NKX2-6: variants seen among roughly 807,000 people sequenced by gnomAD.
The protein encoded by NKX2-6 is homeobox protein Nkx-2.6.
In NKX2-6, 8 loss-of-function variants were observed where a neutral mutation model predicts 8.6. That is an observed-to-expected ratio of 0.93 (90% CI 0.54 to 1.67). The LOEUF is 1.67. NKX2-6 is among the 40% of genes most tolerant of loss of function. The pLI is 0.00. For synonymous variants in NKX2-6, 210 were observed against 199.3 expected, an observed-to-expected ratio of 1.05 and a Z score of -0.45; for missense variants, 475 against 423.1, an observed-to-expected ratio of 1.12 and a Z score of -1.08.
Position 23,706,750 on chromosome 8 carries a change from T to C in NKX2-6, c.-152A>G, listed in dbSNP as rs1438147019. ...AGCGCCTTCCTCTGGGCCATGCTGG[T>C]AGGCCCGGGTCCAGGGCCGGGTGAC... On this transcript the variant is annotated 5_prime_UTR_variant, in exon 1 of 2. Transcript: ENST00000325017. Among the ~76,000 whole-genome samples, 7 of 152,192 alleles carry C rather than the reference T, an allele frequency of 4.6e-5. 1 individual carries two copies. Among genetic ancestry groups the C allele is most frequent in the Admixed American group, 4.6e-4 (7 of 15,284 alleles).
At position 23,702,758 on chromosome 8, in the gene NKX2-6, C is replaced by A; in HGVS notation, c.599G>T (p.Gly200Val). The change falls in exon 2 of 2, where the codon GGC becomes GTC. Residue 200 changes from glycine to valine, a missense_variant. Gly to Val is a moderately radical substitution (Grantham distance 109, BLOSUM62 -3). Transcript: ENST00000325017. ...TACTCGGCGCGGCGTTAGAGGGTGG[C>A]CAGCCAGTTCCAGCGACTTGTCCTG... The part of the protein sequence containing the change: ...QRQDKSLELA[G>V]HPLTPRRVAV... The A allele has an allele frequency of 6.4e-7, 1 of 1,553,248 alleles. No individual in the cohort carries two copies. Among genetic ancestry groups the A allele is most frequent in the South Asian group, 1.2e-5 (1 of 84,154 alleles).
chr8:23,703,727 A>AAC (rs3055447), intron 1 of NKX2-6, among the ~76,000 whole-genome samples: 26,570 of 111,964 alleles, frequency 0.24, 2,572 homozygotes, highest in South Asian at 0.36. Context: ...CAAACAAACA[A>AAC]AAAAAAAACT....
intron 1 of NKX2-6, among the ~76,000 whole-genome samples, chr8:23,704,723 T>G (rs1801063707): frequency 6.6e-6 from 1 of 152,104 alleles, no homozygotes. Context: ...AGAGGAAAAA[T>G]TCTGAGGAGG....
In NKX2-6 at chr8:23,706,708, C is replaced by G; in HGVS notation, c.-110G>C. 1 of 1,238,456 alleles carries G rather than the reference C, an allele frequency of 8.1e-7. No individual in the cohort carries two copies. Among genetic ancestry groups the G allele is most frequent in the Non-Finnish European group, 1.1e-6 (1 of 914,142 alleles). The allele number at this position is 1,238,456 out of a possible 1,614,324, so 76.7% of individuals were successfully genotyped here. ...AGACAGACCCAAGCTCTGGGACAGACGCCCAGCGTCCCAGACAGCGCCTTC... is the reference window on the plus strand; with the variant it reads ...AGACAGACCCAAGCTCTGGGACAGAGGCCCAGCGTCCCAGACAGCGCCTTC... On this transcript the variant is annotated 5_prime_UTR_variant, in exon 1 of 2. Transcript: ENST00000325017.
At chr8:23,704,647 G>A (rs916504153) in intron 1 of NKX2-6, among the ~76,000 whole-genome samples, 2 of 152,230 alleles carry the variant, frequency 1.3e-5, no homozygotes, top group Non-Finnish European at 2.9e-5. Flanking sequence ...TGTAAAGTTT[G>A]AGGACAGAAC....
In NKX2-6 at chr8:23,702,119, T is replaced by C. The variant is rs1184073026; in HGVS notation, c.*332A>G. 3.3e-5 allele frequency among the ~76,000 whole-genome samples: 5 copies of C among 152,088 alleles called. No homozygotes were observed. Among genetic ancestry groups the C allele is most frequent in the Non-Finnish European group, 7.4e-5 (5 of 68,002 alleles). On this transcript the variant is annotated 3_prime_UTR_variant, in exon 2 of 2. Coordinates refer to ENST00000325017, the MANE Select transcript of NKX2-6 (RefSeq NM_001136271.3). ...GCTGCTGCGTACAGATGCAAGAGCC[T>C]CTCGGGCCTCTGGGGTTGAAGCCCC...
intron 1 of NKX2-6, among the ~76,000 whole-genome samples, chr8:23,704,625 A>G (rs1801062350): frequency 6.6e-6 from 1 of 152,186 alleles, no homozygotes; most frequent in Non-Finnish European, 1.5e-5. Flanking sequence ...AGGGGGATGG[A>G]GCTGTTTGGT....
chr8:23,702,941 A>G lies in NKX2-6; in HGVS notation c.416T>C (p.Phe139Ser). 1 of 1,549,248 alleles carries G rather than the reference A, an allele frequency of 6.5e-7. No individual in the cohort carries two copies. The highest frequency in any genetic ancestry group is 8.7e-7 in the Non-Finnish European group (1 of 1,146,206). The stretch of plus-strand genomic sequence containing the variant: ...CAGGGCCAGCACCTGCGCCTGCGAA[A>G]AGAGCACGCGCGGCTTCCGTCGTTG... ...ARQRRKPRVL[F>S]SQAQVLALER... The change falls in exon 2 of 2, where the codon TTT (phenylalanine) becomes TCT (serine). Residue 139 changes from phenylalanine (F) to serine (S), a missense_variant. Coordinates refer to ENST00000325017, the MANE Select transcript of NKX2-6 (RefSeq NM_001136271.3).
In NKX2-6 at chr8:23,706,412, C is replaced by T. The variant is rs1235295038; in HGVS notation, c.187G>A (p.Gly63Ser). ...SEVHNAGGGG[G>S]DRKLDGSEPP... ...TCCGAACCATCCAGCTTTCTGTCACCGCCGCCGCCACCAGCGTTGTGAACC... is the reference window on the plus strand; with the variant it reads ...TCCGAACCATCCAGCTTTCTGTCACTGCCGCCGCCACCAGCGTTGTGAACC... Residue 63 changes from glycine (G) to serine (S), a missense_variant, in exon 1 of 2, where the codon GGT becomes AGT. Gly to Ser is a moderately conservative substitution (Grantham distance 56). Transcript: ENST00000325017. 1 of 1,547,522 alleles carries T rather than the reference C, an allele frequency of 6.5e-7. No homozygotes were observed. The highest frequency in any genetic ancestry group is 8.7e-7 in the Non-Finnish European group (1 of 1,143,928).
rs1801030224 is a variant in NKX2-6 at position 23,702,946 on chromosome 8, C to T, written c.411G>A (p.Val137=). The T allele has an allele frequency of 2.6e-6, 4 of 1,548,314 alleles. No individual in the cohort carries two copies. Among genetic ancestry groups the T allele is most frequent in the South Asian group, 1.2e-5 (1 of 83,922 alleles). The change falls in exon 2 of 2, where the codon GTG becomes GTA. Residue 137 remains valine (V), a synonymous_variant. Coordinates refer to ENST00000325017, the MANE Select transcript of NKX2-6 (RefSeq NM_001136271.3). ...PKARQRRKPR[V]LFSQAQVLAL... is the part of the protein sequence containing the mutation. ...CCAGCACCTGCGCCTGCGAAAAGAGCACGCGCGGCTTCCGTCGTTGCCGCG... is the reference window on the plus strand; with the variant it reads ...CCAGCACCTGCGCCTGCGAAAAGAGTACGCGCGGCTTCCGTCGTTGCCGCG...
Position 23,702,322 on chromosome 8 carries a change from C to T in NKX2-6, c.*129G>A, listed in dbSNP as rs1801016718. The T allele has an allele frequency of 1.9e-6, 2 of 1,046,278 alleles. No homozygotes were observed. The highest frequency in any genetic ancestry group is 2.7e-5 in the East Asian group (1 of 36,808). The allele number at this position is 1,046,278 out of a possible 1,614,324, so 64.8% of individuals were successfully genotyped here. ...GGTGCAGATCGCAGTTTCAGAGATC[C>T]CTCCGGAAAGAAGCGCCGTTGGGTA... On this transcript the variant is annotated 3_prime_UTR_variant, in exon 2 of 2. Transcript: ENST00000325017.
rs912505680 is a variant in NKX2-6, at chr8:23,702,573, C to T, written c.784G>A (p.Gly262Ser). ...TGTGGCGCAGGACCCGAGGGCGCGC[C>T]CGCGTAGCAGGTGCCGTAGCCTGCG... ...YGAGYGTCYA[G>S]APSGPAPHTP... Residue 262 changes from glycine to serine, a missense_variant, in exon 2 of 2, where the codon GGC becomes AGC. Gly to Ser is a moderately conservative substitution (Grantham distance 56, BLOSUM62 0). Transcript: ENST00000325017. 38 of 1,544,352 alleles carry T rather than the reference C, an allele frequency of 2.5e-5. No homozygotes were observed. Among genetic ancestry groups the T allele is most frequent in the Middle Eastern group, 1.7e-4 (1 of 5,986 alleles).
rs1405758820 is a variant in NKX2-6 at position 23,702,984 on chromosome 8, C to A, written c.373G>T (p.Glu125Ter). 6.5e-7 allele frequency: 1 copy of A among 1,542,770 alleles called. No homozygotes were observed. Among genetic ancestry groups the A allele is most frequent in the African/African-American group, 1.4e-5 (1 of 72,906 alleles). ...SGDSVRGGRS[E>*]QPKARQRRKP... is the part of the protein sequence containing the mutation. ...CGTCGTTGCCGCGCCTTGGGCTGCT[C>A]CGAGCGGCCACCCCGCACGCTGTCG... is the stretch of plus-strand genomic sequence containing the variant. The change falls in exon 2 of 2, where the codon GAG becomes TAG. Residue 125 changes from glutamate (E) to a stop codon, truncating the protein, a stop_gained. Coordinates refer to ENST00000325017, the MANE Select transcript of NKX2-6 (RefSeq NM_001136271.3). LOFTEE classifies it low-confidence loss of function (END_TRUNC).
At position 23,706,407 on chromosome 8, in the gene NKX2-6, G is replaced by A; in HGVS notation, c.192C>T (p.Asp64=). The A allele has an allele frequency of 6.4e-7, 1 of 1,551,062 alleles. No homozygotes were observed. The highest frequency in any genetic ancestry group is 8.7e-7 in the Non-Finnish European group (1 of 1,146,998). ...GAGGCTCCGAACCATCCAGCTTTCT[G>A]TCACCGCCGCCGCCACCAGCGTTGT... is the stretch of plus-strand genomic sequence containing the variant. The part of the protein sequence containing the change: ...EVHNAGGGGG[D]RKLDGSEPPG... The change falls in exon 1 of 2, where the codon GAC becomes GAT. Residue 64 remains aspartate (D), a synonymous_variant. Coordinates refer to ENST00000325017, the MANE Select transcript of NKX2-6 (RefSeq NM_001136271.3).
chr8:23,704,350 AG>A (rs1801058324), intron 1 of NKX2-6, among the ~76,000 whole-genome samples: 1 of 152,158 alleles, frequency 6.6e-6, no homozygotes, highest in Non-Finnish European at 1.5e-5. Flanking sequence ...CCTTTCACCC[AG>A]GGCGACCCCT....
In NKX2-6 at chr8:23,706,570, G is replaced by T. The variant is rs747477274; in HGVS notation, c.29C>A (p.Pro10His). MLLSPVTST[P>H]FSVKDILRLE... is the part of the protein sequence containing the mutation. The stretch of plus-strand genomic sequence containing the variant: ...TCGCAGGATGTCCTTGACCGAGAAG[G>T]GGGTGGAGGTGACGGGGCTCAGCAG... The change falls in exon 1 of 2, where the codon CCC (proline) becomes CAC (histidine). Residue 10 changes from proline to histidine, a missense_variant. Physicochemically the swap from Pro to His is moderately conservative, Grantham distance 77. Transcript: ENST00000325017. 2.0e-6 allele frequency: 3 copies of T among 1,536,166 alleles called. No homozygotes were observed. The highest frequency in any genetic ancestry group is 1.2e-5 in the South Asian group (1 of 84,046).
chr8:23,706,188 T>A, intron 1 of NKX2-6, 137 bp downstream of exon 1: 1 of 938,978 alleles, frequency 1.1e-6, no homozygotes, highest in Non-Finnish European at 1.6e-6. Context: ...GAGAGGCCTT[T>A]TTTTGGACTC....
chr8:23,705,378 C>G (rs1441264629), intron 1 of NKX2-6, among the ~76,000 whole-genome samples: 1 of 152,242 alleles, frequency 6.6e-6, no homozygotes, highest in African/African-American at 2.4e-5. Flanking sequence ...CGCCATGGCA[C>G]AGTCTGGCAG....
intron 1 of NKX2-6, among the ~76,000 whole-genome samples, chr8:23,703,892 A>G (rs1384985010): frequency 6.6e-6 from 1 of 152,002 alleles, no homozygotes; most frequent in Non-Finnish European, 1.5e-5. Context: ...GAAGAAGAAG[A>G]AGGAAAGGAA....
Sources: gnomAD v4.1 joint callset for allele counts (sites outside exome capture counted in the v4.1 genomes callset) on GRCh38, gnomAD v4.1.1 for gene constraint, MANE v1.5 for transcripts, NCBI Gene and HGNC (gene_info 2026-07-23, HGNC 2026-07-21) for gene names.